Variants in FAM168B observed in about 807,000 individuals in gnomAD.
The protein encoded by FAM168B is myelin-associated neurite-outgrowth inhibitor.
Under a neutral mutation model 21.8 loss-of-function variants are expected in FAM168B, and 19 were observed. The observed-to-expected ratio is 0.87, with a 90% CI of 0.61 to 1.28. The LOEUF (loss-of-function observed/expected upper bound fraction) is 1.28. Ranked by LOEUF, FAM168B falls within the 50% of genes most tolerant of loss-of-function variation. FAM168B has a pLI of 0.00. For synonymous variants in FAM168B, 126 were observed against 104.8 expected (o/e 1.20, Z -1.24); for missense variants, 233 against 263.1 (o/e 0.89, Z 0.79).
rs999372097 is a variant in FAM168B at position 131,050,103 on chromosome 2, G to A, written c.*2362C>T. ...TTAAGTTACAGGGAGGAAGAAAAGT[G>A]TTTATGAAGCTGATGTAAATGGCGT... is the stretch of plus-strand genomic sequence containing the variant. On this transcript the variant is annotated 3_prime_UTR_variant, in exon 7 of 7. Transcript: ENST00000389915. 2 of 985,342 alleles carry A rather than the reference G, an allele frequency of 2.0e-6. No homozygotes were observed. Among genetic ancestry groups the A allele is most frequent in the South Asian group, 4.7e-5 (1 of 21,292 alleles). 61.0% of individuals were successfully genotyped at this position (985,342 alleles called of 1,614,324 possible).
Position 131,050,347 on chromosome 2 carries a change from G to A in FAM168B, c.*2118C>T. Reference sequence around the variant, plus strand: ...ATCCTAATCTATTAGCACTCAATTGGGAAAAAAGACTTCTCTGCTACTTGG... The same window carrying A: ...ATCCTAATCTATTAGCACTCAATTGAGAAAAAAGACTTCTCTGCTACTTGG... On this transcript the variant is annotated 3_prime_UTR_variant, in exon 7 of 7. Transcript: ENST00000389915. The A allele has an allele frequency of 1.0e-6, 1 of 985,470 alleles. No individual in the cohort carries two copies. 61.0% of individuals were successfully genotyped at this position (985,470 alleles called of 1,614,324 possible). A position where few individuals can be genotyped will look rare whatever the true frequency, so the allele number is the denominator to read the frequency against.
rs145383968 is a variant in FAM168B at position 131,080,879 on chromosome 2, C to A, written c.70+1698G>T. Among the ~76,000 whole-genome samples the A allele has an allele frequency of 5.6e-3, 848 of 151,756 alleles. 5 individuals are homozygous for A. Among genetic ancestry groups the A allele is most frequent in the African/African-American group, 0.019 (777 of 41,432 alleles). ...AGTAGAGACGGGGTTTCAGTGTTAGCCAGGATGGTCTCGATCTCCTGAACT... is the reference window on the plus strand; with the variant it reads ...AGTAGAGACGGGGTTTCAGTGTTAGACAGGATGGTCTCGATCTCCTGAACT... On this transcript the variant is annotated intron_variant, in intron 2 of 6. Transcript: ENST00000389915.
intron 3 of FAM168B, among the ~76,000 whole-genome samples, chr2:131,059,062 G>C (rs1188720768): frequency 1.3e-5 from 2 of 152,186 alleles, no homozygotes; most frequent in Admixed American, 6.5e-5. Flanking sequence ...AGCATGGTGT[G>C]TGGCGGGCAC....
chr2:131,055,094 T>A (rs1691936707), intron 5 of FAM168B, among the ~76,000 whole-genome samples, 178 bp downstream of exon 5: 1 of 151,880 alleles, frequency 6.6e-6, no homozygotes, highest in African/African-American at 2.4e-5. Context: ...CCACAAGGGG[T>A]CACTCAGGTA....
chr2:131,067,868 C>A (rs1446665811), intron 3 of FAM168B, among the ~76,000 whole-genome samples: 1 of 152,126 alleles, frequency 6.6e-6, no homozygotes, highest in Non-Finnish European at 1.5e-5. Context: ...GGGAAAGGCT[C>A]ACTGAAAAGG....
At chr2:131,079,736 A>T (rs892230307) in intron 2 of FAM168B, among the ~76,000 whole-genome samples, 1 of 152,192 alleles carries the variant, frequency 6.6e-6, no homozygotes, top group Non-Finnish European at 1.5e-5. Context: ...AAAAAAACAA[A>T]CACACCCGGC....
At chr2:131,065,164 G>A (rs1256597774) in intron 3 of FAM168B, among the ~76,000 whole-genome samples, 1 of 152,188 alleles carries the variant, frequency 6.6e-6, no homozygotes, top group South Asian at 2.1e-4. Flanking sequence ...GCAGGGAACA[G>A]CAGAAACATG....
intron 1 of FAM168B, among the ~76,000 whole-genome samples, chr2:131,088,786 T>C (rs1693848224): frequency 1.3e-5 from 2 of 152,168 alleles, no homozygotes; most frequent in African/African-American, 4.8e-5. Context: ...CATATAAGGT[T>C]ATGCACTGTA....
intron 2 of FAM168B, among the ~76,000 whole-genome samples, chr2:131,074,064 T>C (rs1693013513): frequency 6.6e-6 from 1 of 152,230 alleles, no homozygotes; most frequent in Admixed American, 6.5e-5. Context: ...CTCCCTTCCC[T>C]TTGGGCTGAC....
chr2:131,069,508 T>C (rs1024497369), intron 3 of FAM168B, among the ~76,000 whole-genome samples: 3 of 152,154 alleles, frequency 2.0e-5, no homozygotes, highest in Admixed American at 2.0e-4. Flanking sequence ...TGTTTTTTTT[T>C]TTGGGGACGG....
At chr2:131,068,181 C>T (rs1456707484) in intron 3 of FAM168B, among the ~76,000 whole-genome samples, 1 of 152,096 alleles carries the variant, frequency 6.6e-6, no homozygotes, top group Admixed American at 6.5e-5. Flanking sequence ...TTTTTTGAGA[C>T]AGAGTCTCGC....
At chr2:131,089,308 T>G (rs961180365) in intron 1 of FAM168B, among the ~76,000 whole-genome samples, 4 of 151,538 alleles carry the variant, frequency 2.6e-5, no homozygotes, top group African/African-American at 4.9e-5. Flanking sequence ...ATGACTCAAC[T>G]GTCAGAATTC....
chr2:131,078,785 A>C, intron 2 of FAM168B, among the ~76,000 whole-genome samples: 1 of 151,598 alleles, frequency 6.6e-6, no homozygotes, highest in South Asian at 2.1e-4. Flanking sequence ...GTTTGAGATC[A>C]GCCTGGGCAA....
chr2:131,075,575 A>C (rs1693108325), intron 2 of FAM168B, among the ~76,000 whole-genome samples: 1 of 151,724 alleles, frequency 6.6e-6, no homozygotes, highest in Non-Finnish European at 1.5e-5. Flanking sequence ...GCTTACTGCA[A>C]GCTCCGCCTC....
chr2:131,049,793 T>C lies in FAM168B; in HGVS notation c.*2672A>G, dbSNP rs1691537815. On this transcript the variant is annotated 3_prime_UTR_variant, in exon 7 of 7. Transcript: ENST00000389915. ...CACACAAAAAGCAAATTTCTCAGAA[T>C]GCTCCACCATATGCTTCGGGACAAA... 3.0e-6 allele frequency: 3 copies of C among 985,766 alleles called. No individual in the cohort carries two copies. The South Asian group carries it at 1.4e-4, about 46-fold the overall frequency. The allele number at this position is 985,766 out of a possible 1,614,324, so 61.1% of individuals were successfully genotyped here.
intron 1 of FAM168B, among the ~76,000 whole-genome samples, chr2:131,089,808 C>A (rs1693914480): frequency 6.6e-6 from 1 of 151,486 alleles, no homozygotes; most frequent in South Asian, 2.1e-4. Flanking sequence ...CCAAGGTGGG[C>A]AGATCACGAG....
chr2:131,089,073 T>G (rs1252935146), intron 1 of FAM168B, among the ~76,000 whole-genome samples: 2 of 152,016 alleles, frequency 1.3e-5, no homozygotes, highest in Non-Finnish European at 2.9e-5. Context: ...TTCAAGCGAT[T>G]CTCCTGTCTC....
intron 1 of FAM168B, among the ~76,000 whole-genome samples, chr2:131,087,467 G>A (rs150460024): frequency 0.02 from 3,042 of 152,182 alleles, 108 homozygotes; most frequent in African/African-American, 0.069. Flanking sequence ...GCAAGACTCC[G>A]TCTCAAAAAA....
intron 3 of FAM168B, among the ~76,000 whole-genome samples, chr2:131,061,731 G>A (rs1329105237): frequency 6.6e-6 from 1 of 151,518 alleles, no homozygotes; most frequent in Non-Finnish European, 1.5e-5. Flanking sequence ...GCAGTGAGCA[G>A]AGACTGCGGC....
Sources: allele counts gnomAD v4.1 joint callset (sites outside exome capture counted in the v4.1 genomes callset), GRCh38; gene constraint gnomAD v4.1.1; transcripts MANE v1.5; gene names NCBI Gene and HGNC (gene_info 2026-07-23, HGNC 2026-07-21).